KIF24: variants seen among roughly 807,000 people sequenced by gnomAD.
KIF24 encodes the protein kinesin family member 24, also known as kinesin-like protein KIF24.
Under a neutral mutation model 118.9 loss-of-function variants are expected in KIF24, and 81 were observed. The observed-to-expected ratio is 0.68, with a 90% CI of 0.57 to 0.82. KIF24 has a LOEUF of 0.82. Ranked by LOEUF, KIF24 falls within the 40% of genes least tolerant of loss-of-function variation. The pLI, the probability that KIF24 is intolerant of heterozygous loss-of-function variation, is 0.00. For missense variants in KIF24, 1,560 were observed against 1,661.6 expected, an observed-to-expected ratio of 0.94 and a Z score of 1.06; for synonymous variants, 599 against 610.0, an observed-to-expected ratio of 0.98 and a Z score of 0.27.
intron 1 of KIF24, chr9:34,319,508 C>T: frequency 7.8e-7 from 1 of 1,286,896 alleles, no homozygotes; most frequent in Non-Finnish European, 1.1e-6. Flanking sequence ...ACCAGGACAT[C>T]TATGGGAGCA....
rs1316429067 is a variant in KIF24, at chr9:34,254,357, C to A, written c.*23G>T. ...AGCACAGACTCCTGCAGGGCCCCCACCATCTCGGCACAGGGTCTGGCTCTA... is the reference window on the plus strand; with the variant it reads ...AGCACAGACTCCTGCAGGGCCCCCAACATCTCGGCACAGGGTCTGGCTCTA... On this transcript the variant is annotated 3_prime_UTR_variant, in exon 13 of 13. Coordinates refer to ENST00000402558, the MANE Select transcript of KIF24 (RefSeq NM_194313.4). 6.2e-7 allele frequency: 1 copy of A among 1,600,064 alleles called. No individual in the cohort carries two copies.
intron 1 of KIF24, among the ~76,000 whole-genome samples, chr9:34,315,837 T>C (rs1837310260): frequency 6.6e-6 from 1 of 151,918 alleles, no homozygotes; most frequent in African/African-American, 2.4e-5. Context: ...GAGAACAGTC[T>C]GGCCAACATG....
At chr9:34,300,850 C>CAAAAAAAAAAAA (rs57919845) in intron 3 of KIF24, among the ~76,000 whole-genome samples, 3 of 105,628 alleles carry the variant, frequency 2.8e-5, no homozygotes, top group African/African-American at 7.8e-5. Context: ...CGGCATTTCT[C>CAAAAAAAAAAAA]AAAAAAAAAA....
At chr9:34,332,563 G>T (rs1156984495), upstream of KIF24, among the ~76,000 whole-genome samples, 3 of 152,184 alleles carry the variant, frequency 2.0e-5, no homozygotes, top group Non-Finnish European at 4.4e-5. Context: ...ACAGCAGATG[G>T]CACTAATAGG....
intron 1 of KIF24, among the ~76,000 whole-genome samples, chr9:34,328,523 A>G (rs1337573770): frequency 6.6e-6 from 1 of 152,180 alleles, no homozygotes; most frequent in Non-Finnish European, 1.5e-5. Context: ...GTGGACTTTT[A>G]GGTCCTTTTG....
intron 6 of KIF24, chr9:34,282,659 A>C (rs1266749661): frequency 6.6e-6 from 1 of 152,144 alleles, no homozygotes; most frequent in Non-Finnish European, 1.5e-5. Context: ...CTGCTGAGAA[A>C]AGATACTACA....
At chr9:34,326,961 G>A (rs1326096298) in intron 1 of KIF24, among the ~76,000 whole-genome samples, 1 of 151,684 alleles carries the variant, frequency 6.6e-6, no homozygotes, top group Non-Finnish European at 1.5e-5. Context: ...AAAAAATGCT[G>A]ACTTGGAAAA....
intron 1 of KIF24, among the ~76,000 whole-genome samples, chr9:34,315,377 A>G (rs1460523023): frequency 1.3e-5 from 2 of 152,148 alleles, no homozygotes; most frequent in East Asian, 1.9e-4. Context: ...ATTGCAATCT[A>G]TGTTTTAATT....
At chr9:34,305,521 T>C (rs939081583) in intron 3 of KIF24, among the ~76,000 whole-genome samples, 1 of 152,246 alleles carries the variant, frequency 6.6e-6, no homozygotes, top group African/African-American at 2.4e-5. Flanking sequence ...CAAGCAAGAA[T>C]GGAAATCAAC....
At chr9:34,271,979 C>G in intron 6 of KIF24, 49 bp from the exon 7 acceptor site, 1 of 1,529,476 alleles carries the variant, frequency 6.5e-7, no homozygotes. Flanking sequence ...AAACAAAAGC[C>G]TCTGGCTACT....
At chr9:34,260,972 A>G (rs1433424329) in intron 9 of KIF24, among the ~76,000 whole-genome samples, 1 of 151,896 alleles carries the variant, frequency 6.6e-6, no homozygotes, top group African/African-American at 2.4e-5. Context: ...ACTCCCTCTC[A>G]AAAATAAATA....
At chr9:34,277,514 TG>T (rs1015981424) in intron 6 of KIF24, among the ~76,000 whole-genome samples, 5 of 152,300 alleles carry the variant, frequency 3.3e-5, no homozygotes, top group African/African-American at 1.2e-4. Context: ...GGCGGCCCTG[TG>T]GTTCTTCCTC....
At position 34,256,467 on chromosome 9, in the gene KIF24, C is replaced by A. The variant is rs73494718; in HGVS notation, c.3140G>T (p.Gly1047Val). ...GGACATGGTGAGGGGAGACATGAGT[C>A]CAGAAGCATATTCAGCATGCGTGCC... is the stretch of plus-strand genomic sequence containing the variant. ...QLGTHAEYAS[G>V]LMSPLTMSLL... Residue 1047 changes from glycine to valine, a missense_variant, in exon 11 of 13, where the codon GGA (glycine) becomes GTA (valine). Physicochemically the swap from Gly to Val is moderately radical, Grantham distance 109. Around this residue, in one of 3 missense-constraint regions of KIF24, gnomAD observed 591 missense variants for 655.6 expected, o/e 0.90. Coordinates refer to ENST00000402558, the MANE Select transcript of KIF24 (RefSeq NM_194313.4). The A allele has an allele frequency of 1.4e-3, 2,286 of 1,613,820 alleles. 31 individuals are homozygous for A. In the African/African-American group the frequency reaches 0.026, roughly 19 times the overall value.
At chr9:34,332,254 T>G (rs954741972), upstream of KIF24, among the ~76,000 whole-genome samples, 29 of 152,338 alleles carry the variant, frequency 1.9e-4, 1 homozygote, top group Non-Finnish European at 4.4e-5. Flanking sequence ...CTCCTCCCTT[T>G]GCTGGCAGTG....
chr9:34,265,822 A>C (rs1159010244), intron 8 of KIF24, among the ~76,000 whole-genome samples: 1 of 152,150 alleles, frequency 6.6e-6, no homozygotes. Context: ...ATTTAAATAA[A>C]TTAAATAAAA....
In KIF24 at chr9:34,309,472, C is replaced by T. The variant is rs1005015200; in HGVS notation, c.623+1252G>A. The stretch of plus-strand genomic sequence containing the variant: ...AGGAGAATGGCATGAACCCGGGAGG[C>T]GGAGCTTGCAGTGAGCAGAGATTGC... On this transcript the variant is annotated intron_variant, in intron 2 of 12. Transcript: ENST00000402558. Among the ~76,000 whole-genome samples the T allele has an allele frequency of 4.3e-5, 6 of 140,334 alleles. No homozygotes were observed. In the East Asian group the frequency reaches 1.4e-3, roughly 32 times the overall value. The allele number at this position is 140,334 out of a possible 152,430, so 92.1% of individuals were successfully genotyped here. A position where few individuals can be genotyped will look rare whatever the true frequency, so the allele number is the denominator to read the frequency against.
At chr9:34,277,288 T>C (rs1464506423) in intron 6 of KIF24, among the ~76,000 whole-genome samples, 1 of 152,138 alleles carries the variant, frequency 6.6e-6, no homozygotes, top group Non-Finnish European at 1.5e-5. Context: ...AAAAGCAATA[T>C]GTCTGACTAA....
chr9:34,303,490 C>T (rs527788186), intron 3 of KIF24, among the ~76,000 whole-genome samples: 5 of 152,230 alleles, frequency 3.3e-5, no homozygotes, highest in South Asian at 2.1e-4. Context: ...TGCTTGCCTG[C>T]CAGTATAAAG....
At chr9:34,297,489 G>A (rs149692665) in intron 3 of KIF24, among the ~76,000 whole-genome samples, 73 of 152,240 alleles carry the variant, frequency 4.8e-4, no homozygotes, top group African/African-American at 1.6e-3. Context: ...GTGATCTGGC[G>A]CAGTGGCTCA....
Sources: gnomAD v4.1 joint callset for allele counts (sites outside exome capture counted in the v4.1 genomes callset) on GRCh38, gnomAD v4.1.1 for gene constraint, gnomAD v4.1.1 regional missense constraint, MANE v1.5 for transcripts, NCBI Gene and HGNC (gene_info 2026-07-23, HGNC 2026-07-21) for gene names.